The following SNX24 variants were observed in gnomAD, a reference collection of about 807,000 sequenced individuals.
The protein encoded by SNX24 is sorting nexin 24.
Under a neutral mutation model 28.7 loss-of-function variants are expected in SNX24, and 22 were observed. The ratio of observed to expected loss-of-function variants is 0.77; its 90% confidence interval spans 0.55 to 1.10. The LOEUF is 1.10. SNX24 is among the 50% of genes least tolerant of loss of function. The pLI, the probability that SNX24 is intolerant of heterozygous loss-of-function variation, is 0.00. For missense variants in SNX24, 221 were observed against 201.1 expected, an observed-to-expected ratio of 1.10 and a Z score of -0.60; for synonymous variants, 69 against 71.5, an observed-to-expected ratio of 0.96 and a Z score of 0.18.
chr5:122,889,907 C>CT (rs1491211379), intron 1 of SNX24, among the ~76,000 whole-genome samples: 1 of 150,254 alleles, frequency 6.7e-6, no homozygotes, highest in Non-Finnish European at 1.5e-5. Context: ...CAATAATGTC[C>CT]TTGTTAGTAT....
chr5:122,994,993 C>T (rs757142562), intron 3 of SNX24, among the ~76,000 whole-genome samples: 44 of 152,280 alleles, frequency 2.9e-4, no homozygotes, highest in Middle Eastern at 6.8e-3. Context: ...CCATTTCCTA[C>T]GTGCACCATA....
At chr5:122,986,619 C>T (rs1761614397) in intron 3 of SNX24, among the ~76,000 whole-genome samples, 1 of 151,968 alleles carries the variant, frequency 6.6e-6, no homozygotes, top group Admixed American at 6.6e-5. Context: ...GAAGCCGAAG[C>T]CAATTTGCAG....
intron 1 of SNX24, among the ~76,000 whole-genome samples, chr5:122,847,397 G>A (rs948719985): frequency 6.6e-6 from 1 of 151,720 alleles, no homozygotes; most frequent in Non-Finnish European, 1.5e-5. Flanking sequence ...ATTCGGGAGA[G>A]TTTGAAGATT....
intron 1 of SNX24, among the ~76,000 whole-genome samples, chr5:122,913,591 G>A (rs1284113376): frequency 2.5e-4 from 38 of 152,206 alleles, no homozygotes; most frequent in Non-Finnish European, 4.9e-4. Context: ...CAGATGGGGC[G>A]GCTGCCGGGC....
chr5:122,849,837 C>T (rs182145029), intron 1 of SNX24, among the ~76,000 whole-genome samples: 4 of 152,260 alleles, frequency 2.6e-5, no homozygotes, highest in Admixed American at 2.6e-4. Context: ...GAATTCAGTA[C>T]ATGTCTGTTG....
At chr5:122,922,291 C>T (rs533362007) in intron 1 of SNX24, among the ~76,000 whole-genome samples, 44 of 152,154 alleles carry the variant, frequency 2.9e-4, no homozygotes, top group Admixed American at 1.1e-3. Context: ...CTCACTCTGT[C>T]ACCCAGGCTG....
At chr5:122,858,030 C>T (rs154513) in intron 1 of SNX24, among the ~76,000 whole-genome samples, 95,187 of 152,024 alleles carry the variant, frequency 0.63, 30,834 homozygotes, top group African/African-American at 0.79. Flanking sequence ...ATCCGCCCAC[C>T]TCGGCCTCCA....
At chr5:123,016,144 T>C (rs190718540) in intron 5 of SNX24, among the ~76,000 whole-genome samples, 1 of 152,328 alleles carries the variant, frequency 6.6e-6, no homozygotes, top group African/African-American at 2.4e-5. Context: ...AATAATGTGA[T>C]ATTGGCTGGA....
In SNX24 at chr5:123,008,258, G is replaced by A. The variant is rs1762483082; in HGVS notation, c.*509G>A. 7 of 984,874 alleles carry A rather than the reference G, an allele frequency of 7.1e-6. No homozygotes were observed. The highest frequency in any genetic ancestry group is 8.4e-6 in the Non-Finnish European group (7 of 829,488). The allele number at this position is 984,874 out of a possible 1,614,324, so 61.0% of individuals were successfully genotyped here. The stretch of plus-strand genomic sequence containing the variant: ...GCCACAGACACACACTGCTAAATGT[G>A]AAGATGGAACTAAACTGGAAATTAA... On this transcript the variant is annotated 3_prime_UTR_variant, in exon 7 of 7. Transcript: ENST00000261369.
intron 1 of SNX24, among the ~76,000 whole-genome samples, chr5:122,927,125 C>G (rs764264765): frequency 6.6e-6 from 1 of 152,162 alleles, no homozygotes; most frequent in East Asian, 1.9e-4. Flanking sequence ...TTAATCCTTG[C>G]AACAAACCTA....
intron 1 of SNX24, among the ~76,000 whole-genome samples, chr5:122,849,160 T>C (rs1174662766): frequency 6.6e-6 from 1 of 152,236 alleles, no homozygotes; most frequent in East Asian, 1.9e-4. Flanking sequence ...TTTTTACAGA[T>C]ATTGCACGAT....
intron 3 of SNX24, among the ~76,000 whole-genome samples, chr5:122,957,883 C>G (rs954034346): frequency 6.6e-6 from 1 of 152,070 alleles, no homozygotes; most frequent in Non-Finnish European, 1.5e-5. Context: ...TTGTATCATA[C>G]TACTTTGCTG....
intron 5 of SNX24, chr5:123,023,356 C>T (rs1762791002): frequency 6.6e-6 from 1 of 152,184 alleles, no homozygotes; most frequent in Non-Finnish European, 1.5e-5. Flanking sequence ...AAGAACTTTA[C>T]ATTTTTAAAA....
intron 1 of SNX24, among the ~76,000 whole-genome samples, chr5:122,928,057 A>G (rs1457346883): frequency 6.6e-6 from 1 of 151,908 alleles, no homozygotes; most frequent in Non-Finnish European, 1.5e-5. Context: ...GTATTTTTAC[A>G]TTTTTCCACA....
downstream of SNX24, among the ~76,000 whole-genome samples, chr5:123,010,313 C>T (rs554098365): frequency 8.0e-5 from 12 of 150,000 alleles, no homozygotes; most frequent in East Asian, 1.4e-3. Flanking sequence ...TTTTTGAAGA[C>T]GGAGTCTTGC....
At chr5:122,957,739 C>A (rs1220894685) in intron 3 of SNX24, among the ~76,000 whole-genome samples, 2 of 152,228 alleles carry the variant, frequency 1.3e-5, no homozygotes, top group Admixed American at 1.3e-4. Context: ...AAGTCTTTCA[C>A]CTCCTTGGTT....
intron 1 of SNX24, among the ~76,000 whole-genome samples, chr5:122,865,179 C>G (rs1755659293): frequency 6.6e-6 from 1 of 152,248 alleles, no homozygotes; most frequent in Admixed American, 6.5e-5. Flanking sequence ...TCTGGGCACC[C>G]TGTGGCCCAC....
At chr5:122,866,752 C>A (rs923239359) in intron 1 of SNX24, among the ~76,000 whole-genome samples, 2 of 152,188 alleles carry the variant, frequency 1.3e-5, no homozygotes, top group Admixed American at 1.3e-4. Context: ...GTCACCCCAG[C>A]CAGTACATAG....
At chr5:123,025,975 C>T (rs1762847417) in intron 5 of SNX24, 3 of 1,581,018 alleles carry the variant, frequency 1.9e-6, no homozygotes, top group South Asian at 2.3e-5. Flanking sequence ...ACACCTGAGA[C>T]AAAACAAGGA....
Sources: gnomAD v4.1 joint callset for allele counts (sites outside exome capture counted in the v4.1 genomes callset) on GRCh38, gnomAD v4.1.1 for gene constraint, MANE v1.5 for transcripts, NCBI Gene and HGNC (gene_info 2026-07-23, HGNC 2026-07-21) for gene names.